TTC6: variants seen among roughly 807,000 people sequenced by gnomAD.
The protein encoded by TTC6 is tetratricopeptide repeat domain 6.
A neutral mutation model predicts 210.4 loss-of-function variants in TTC6; 172 were observed. The observed-to-expected ratio is 0.82, with a 90% CI of 0.72 to 0.93. The LOEUF is 0.93. Ranked by LOEUF, TTC6 falls within the 40% of genes least tolerant of loss-of-function variation. The probability of loss-of-function intolerance (pLI) is 0.00; values close to 1 mark genes in which losing one functional copy is unlikely to be tolerated. For missense variants in TTC6, 2,414 were observed against 2,318.1 expected (o/e 1.04, Z -0.85); for synonymous variants, 804 against 819.6 (o/e 0.98, Z 0.32).
chr14:37,611,801 TA>T (rs1405390543), intron 2 of TTC6, among the ~76,000 whole-genome samples: 2 of 152,166 alleles, frequency 1.3e-5, no homozygotes, highest in Non-Finnish European at 2.9e-5. Context: ...CAACCACCAG[TA>T]GGTGGTTGCC....
chr14:37,703,165 C>T (rs1455463994), intron 5 of TTC6, among the ~76,000 whole-genome samples: 2 of 151,652 alleles, frequency 1.3e-5, no homozygotes. Context: ...TGAGTCATTC[C>T]CATTAGCACT....
At chr14:37,703,317 T>C (rs2095829135) in intron 5 of TTC6, among the ~76,000 whole-genome samples, 1 of 152,138 alleles carries the variant, frequency 6.6e-6, no homozygotes, top group South Asian at 2.1e-4. Flanking sequence ...ATAAATGTTC[T>C]ATTTGATGAG....
exon 28 of TTC6, chr14:37,826,293 T>C (rs141809061): frequency 1.5e-5 from 24 of 1,611,882 alleles, no homozygotes; most frequent in Non-Finnish European, 2.0e-5. Flanking sequence ...CTGTGGTCTG[T>C]CTTCAGATGG....
chr14:37,621,993 A>G (rs918250844), upstream of TTC6: 15 of 1,124,356 alleles, frequency 1.3e-5, no homozygotes, highest in East Asian at 1.4e-4. Flanking sequence ...GTTTTGTTTT[A>G]TATTTATGTA....
rs1213271091 is a variant in TTC6 at position 37,732,663 on chromosome 14, G to T, written c.1819-3258G>T. Among the ~76,000 whole-genome samples the T allele has an allele frequency of 4.0e-5, 6 of 151,840 alleles. No homozygotes were observed. The East Asian group carries it at 1.2e-3, about 30-fold the overall frequency. On this transcript the variant is annotated intron_variant, in intron 7 of 30. Transcript: ENST00000553443. ...AGACGGAGTCTTGCTCTGTCGCCCA[G>T]GCTAGAGTGCAGTGGCACAATCTCG...
chr14:37,799,301 T>G (rs756003400), intron 20 of TTC6, among the ~76,000 whole-genome samples: 29 of 152,158 alleles, frequency 1.9e-4, no homozygotes, highest in Non-Finnish European at 4.0e-4. Flanking sequence ...AAAAACTTTA[T>G]TTTTGCTCTC....
At chr14:37,746,944 T>A (rs373322622) in intron 10 of TTC6, among the ~76,000 whole-genome samples, 114 of 152,316 alleles carry the variant, frequency 7.5e-4, no homozygotes, top group African/African-American at 2.6e-3. Flanking sequence ...CATCCCATAT[T>A]TCAGTTTTCT....
intron 2 of TTC6, among the ~76,000 whole-genome samples, chr14:37,608,322 T>C (rs1176479915): frequency 6.6e-6 from 1 of 152,112 alleles, no homozygotes; most frequent in Admixed American, 6.6e-5. Flanking sequence ...GTTGTTGTTG[T>C]TTTTTGAGAC....
At chr14:37,758,309 G>A (rs189114728) in intron 14 of TTC6, among the ~76,000 whole-genome samples, 269 of 152,250 alleles carry the variant, frequency 1.8e-3, no homozygotes, top group African/African-American at 6.1e-3. Flanking sequence ...TATTGTGTGG[G>A]AGTCTAAGTC....
intron 29 of TTC6, among the ~76,000 whole-genome samples, chr14:37,839,710 G>A (rs567684266): frequency 1.3e-5 from 2 of 152,264 alleles, no homozygotes; most frequent in East Asian, 3.9e-4. Context: ...TTTTAGTCAT[G>A]AAGTCTTTGC....
chr14:37,650,316 T>G (rs2095708940), intron 1 of TTC6, among the ~76,000 whole-genome samples: 1 of 152,224 alleles, frequency 6.6e-6, no homozygotes, highest in South Asian at 2.1e-4. Flanking sequence ...AGCTGTGTTT[T>G]GAATTCTTTT....
intron 7 of TTC6, among the ~76,000 whole-genome samples, chr14:37,729,271 A>G (rs2095879980): frequency 6.6e-6 from 1 of 152,226 alleles, no homozygotes; most frequent in African/African-American, 2.4e-5. Flanking sequence ...TAGAAAGAGA[A>G]AGTTAATGAT....
intron 5 of TTC6, among the ~76,000 whole-genome samples, chr14:37,702,903 G>A (rs1373666385): frequency 1.3e-5 from 2 of 151,290 alleles, no homozygotes; most frequent in African/African-American, 2.4e-5. Context: ...TTCTATGTAG[G>A]CAAAAAAAAA....
chr14:37,776,535 T>G (rs1324073671), intron 14 of TTC6, among the ~76,000 whole-genome samples: 2 of 152,184 alleles, frequency 1.3e-5, no homozygotes, highest in Admixed American at 1.3e-4. Flanking sequence ...TCCCTTATCA[T>G]TTGCTTGTTT....
chr14:37,658,302 G>A (rs1295518649), intron 1 of TTC6, among the ~76,000 whole-genome samples: 2 of 152,128 alleles, frequency 1.3e-5, no homozygotes, highest in Non-Finnish European at 2.9e-5. Context: ...CCCTTCCTTT[G>A]CCAACACTTA....
chr14:37,758,707 T>C (rs971963254), intron 14 of TTC6, among the ~76,000 whole-genome samples: 5 of 152,238 alleles, frequency 3.3e-5, no homozygotes, highest in East Asian at 3.8e-4. Context: ...TATTGTGTTG[T>C]GTGAATTTTA....
chr14:37,786,614 G>A (rs1368507284), intron 14 of TTC6, among the ~76,000 whole-genome samples: 4 of 152,168 alleles, frequency 2.6e-5, no homozygotes, highest in Non-Finnish European at 4.4e-5. Context: ...CTCACTGTCC[G>A]TGGGCTGCAC....
At chr14:37,826,208 T>C in exon 28 of TTC6, 1 of 1,594,760 alleles carries the variant, frequency 6.3e-7, no homozygotes. Context: ...CAAGGAAAAT[T>C]CCAGAAAGCT....
At chr14:37,596,618 A>G (rs2095605182) in intron 1 of TTC6, among the ~76,000 whole-genome samples, 1 of 152,030 alleles carries the variant, frequency 6.6e-6, no homozygotes, top group Admixed American at 6.6e-5. Flanking sequence ...TGAGTGTGTG[A>G]CCGTTTGTAT....
Sources: gnomAD v4.1 joint callset for allele counts (sites outside exome capture counted in the v4.1 genomes callset) on GRCh38, gnomAD v4.1.1 for gene constraint, MANE v1.5 for transcripts, NCBI Gene and HGNC (gene_info 2026-07-23, HGNC 2026-07-21) for gene names.